Variants in MSRA observed in about 807,000 individuals in gnomAD.
The protein encoded by MSRA is mitochondrial peptide methionine sulfoxide reductase.
MSRA carries 54 observed loss-of-function variants against 31.3 expected under a neutral mutation model. The ratio of observed to expected loss-of-function variants is 1.73; its 90% CI spans 1.39 to 2.17. The LOEUF (loss-of-function observed/expected upper bound fraction) is 2.17, where lower values mean the gene tolerates loss of function less well. MSRA is among the 30% of genes most tolerant of loss of function. The pLI is 0.00. For synonymous variants in MSRA, 169 were observed against 116.5 expected (o/e 1.45, Z -2.90); for missense variants, 507 against 300.9 (o/e 1.69, Z -5.07).
intron 5 of MSRA, among the ~76,000 whole-genome samples, chr8:10,373,680 A>G (rs1805601135): frequency 6.6e-6 from 1 of 152,272 alleles, no homozygotes; most frequent in Non-Finnish European, 1.5e-5. Flanking sequence ...GGAAGCCAGC[A>G]TGACTGCAGG....
At chr8:10,322,333 C>T (rs543693047) in intron 5 of MSRA, among the ~76,000 whole-genome samples, 11 of 132,084 alleles carry the variant, frequency 8.3e-5, no homozygotes, top group South Asian at 5.5e-4. Flanking sequence ...TATAGGATTC[C>T]GGGCCAGAAG....
intron 5 of MSRA, among the ~76,000 whole-genome samples, chr8:10,354,748 G>GTATATATATA (rs1477165567): frequency 3.1e-5 from 4 of 129,026 alleles, no homozygotes; most frequent in African/African-American, 1.2e-4. Flanking sequence ...GTGTGTGTGT[G>GTATATATATA]TGTATATATA....
At chr8:10,324,094 C>T (rs114243197) in intron 5 of MSRA, among the ~76,000 whole-genome samples, 78 of 152,350 alleles carry the variant, frequency 5.1e-4, no homozygotes, top group African/African-American at 1.8e-3. Context: ...CAGCACCACT[C>T]GCCTTTCCGC....
chr8:10,349,566 G>A (rs1803995668), intron 5 of MSRA, among the ~76,000 whole-genome samples: 1 of 152,180 alleles, frequency 6.6e-6, no homozygotes, highest in Non-Finnish European at 1.5e-5. Context: ...CGTCCCTTGA[G>A]CACAGGTCTC....
Position 10,428,283 on chromosome 8 carries a change from G to A in MSRA, c.679G>A (p.Val227Met), listed in dbSNP as rs149870109. 2.2e-5 allele frequency: 35 copies of A among 1,613,928 alleles called. No individual in the cohort carries two copies. The highest frequency in any genetic ancestry group is 1.9e-4 in the African/African-American group (14 of 75,026). ...CTACTGCGGCCTTGGGGGCACCGGC[G>A]TGTCCTGCCCAGTGGGTATTAAAAA... The part of the protein sequence containing the change: ...NGYCGLGGTG[V>M]SCPVGIKK The change falls in exon 6 of 6, where the codon GTG becomes ATG. Residue 227 changes from valine to methionine, a missense_variant. Coordinates refer to ENST00000317173, the MANE Select transcript of MSRA (RefSeq NM_012331.5).
chr8:10,365,250 A>G (rs1374985671), intron 5 of MSRA, among the ~76,000 whole-genome samples: 1 of 150,798 alleles, frequency 6.6e-6, no homozygotes, highest in Non-Finnish European at 1.5e-5. Flanking sequence ...TTTCCTGACC[A>G]GCTTGTACCC....
intron 5 of MSRA, among the ~76,000 whole-genome samples, chr8:10,321,115 A>T (rs1802021250): frequency 6.6e-6 from 1 of 152,180 alleles, no homozygotes; most frequent in Non-Finnish European, 1.5e-5. Flanking sequence ...TTATTTTCAG[A>T]GTTGTGTACC....
intron 5 of MSRA, among the ~76,000 whole-genome samples, chr8:10,416,565 C>T (rs961014539): frequency 6.6e-6 from 1 of 152,302 alleles, no homozygotes; most frequent in East Asian, 1.9e-4. Context: ...TGCTTTATAG[C>T]GTCTGCCTGG....
At position 10,360,124 on chromosome 8, in the gene MSRA, G is replaced by C. The variant is rs562562877; in HGVS notation, c.543+40135G>C. Among the ~76,000 whole-genome samples, 7 of 152,292 alleles carry C rather than the reference G, an allele frequency of 4.6e-5. No individual in the cohort carries two copies. In the South Asian group the frequency reaches 1.5e-3, roughly 32 times the overall value. On this transcript the variant is annotated intron_variant, in intron 5 of 5. Coordinates refer to ENST00000317173, the MANE Select transcript of MSRA (RefSeq NM_012331.5). ...GGCCTCGTAACACAGGCCCTTGCGTGTGCTGCTGCTGCTGGAGTGAGCCAA... is the reference window on the plus strand; with the variant it reads ...GGCCTCGTAACACAGGCCCTTGCGTCTGCTGCTGCTGCTGGAGTGAGCCAA...
At chr8:10,090,342 G>A (rs1798793651) in intron 1 of MSRA, among the ~76,000 whole-genome samples, 1 of 152,196 alleles carries the variant, frequency 6.6e-6, no homozygotes, top group Non-Finnish European at 1.5e-5. Context: ...GGCTGGGATG[G>A]AACCAAGAAG....
intron 5 of MSRA, among the ~76,000 whole-genome samples, chr8:10,398,521 G>T (rs1461875151): frequency 6.6e-6 from 1 of 152,198 alleles, no homozygotes; most frequent in African/African-American, 2.4e-5. Flanking sequence ...CCCTGAGATG[G>T]ACTTGTCAGT....
intron 5 of MSRA, among the ~76,000 whole-genome samples, chr8:10,409,319 A>G (rs190853721): frequency 3.9e-5 from 6 of 152,318 alleles, no homozygotes; most frequent in Admixed American, 3.3e-4. Context: ...TCCGATGACT[A>G]GTGATGATGA....
chr8:10,345,326 G>A (rs1354636755), intron 5 of MSRA, among the ~76,000 whole-genome samples: 1 of 152,176 alleles, frequency 6.6e-6, no homozygotes, highest in Non-Finnish European at 1.5e-5. Flanking sequence ...ATGGGAATAG[G>A]TTACTAAGCA....
chr8:10,405,324 C>G (rs1807736895), intron 5 of MSRA, among the ~76,000 whole-genome samples: 1 of 152,140 alleles, frequency 6.6e-6, no homozygotes, highest in South Asian at 2.1e-4. Context: ...GCACCTGCCC[C>G]TCCCTCCATG....
chr8:10,295,550 G>C (rs1337383658), intron 3 of MSRA, among the ~76,000 whole-genome samples: 3 of 152,206 alleles, frequency 2.0e-5, no homozygotes, highest in Non-Finnish European at 4.4e-5. Context: ...TGACGGCTCT[G>C]CTCGGCCTCC....
chr8:10,333,995 G>A lies in MSRA; in HGVS notation c.543+14006G>A, dbSNP rs1054359927. ...ATTTCACCTATCAGATTAGGACAGGGCCTATACGTTTTTCTCCCCCTACCC... is the reference window on the plus strand; with the variant it reads ...ATTTCACCTATCAGATTAGGACAGGACCTATACGTTTTTCTCCCCCTACCC... On this transcript the variant is annotated intron_variant, in intron 5 of 5. Coordinates refer to ENST00000317173, the MANE Select transcript of MSRA (RefSeq NM_012331.5). Among the ~76,000 whole-genome samples the A allele has an allele frequency of 3.3e-5, 5 of 152,068 alleles. No homozygotes were observed. The South Asian group carries it at 1.0e-3, about 32-fold the overall frequency.
intron 1 of MSRA, among the ~76,000 whole-genome samples, chr8:10,094,937 C>G (rs914514775): frequency 2.0e-5 from 3 of 152,162 alleles, no homozygotes; most frequent in Non-Finnish European, 4.4e-5. Flanking sequence ...ATCAAAAGAA[C>G]TCTTCTCCCC....
At chr8:10,267,457 T>A (rs952957896) in intron 3 of MSRA, among the ~76,000 whole-genome samples, 1 of 152,056 alleles carries the variant, frequency 6.6e-6, no homozygotes, top group African/African-American at 2.4e-5. Flanking sequence ...TCCTTATAAT[T>A]ATTCCAGGAG....
chr8:10,314,669 C>G (rs1164816448), intron 4 of MSRA, among the ~76,000 whole-genome samples: 1 of 152,184 alleles, frequency 6.6e-6, no homozygotes, highest in Non-Finnish European at 1.5e-5. Flanking sequence ...TCAAGAGAAA[C>G]TCATGCATAT....
Sources: gnomAD v4.1 joint callset for allele counts (sites outside exome capture counted in the v4.1 genomes callset) on GRCh38, gnomAD v4.1.1 for gene constraint, MANE v1.5 for transcripts, NCBI Gene and HGNC (gene_info 2026-07-23, HGNC 2026-07-21) for gene names.